Variants in SMIM35 observed in about 807,000 individuals in gnomAD.
SMIM35 encodes TMPRSS4 antisense RNA 1 (non-protein coding).
chr11:118,034,021 A>G (rs953361728), intron 1 of SMIM35, among the ~76,000 whole-genome samples: 1 of 152,204 alleles, frequency 6.6e-6, no homozygotes, highest in African/African-American at 2.4e-5. Context: ...TAATCCCTAC[A>G]CTTTGGGAGG....
At chr11:118,068,415 G>T (rs531625395) in intron 1 of SMIM35, among the ~76,000 whole-genome samples, 1 of 152,118 alleles carries the variant, frequency 6.6e-6, no homozygotes, top group Admixed American at 6.5e-5. Context: ...TCTCCCTCCC[G>T]GCCTGTGAAA....
At chr11:118,038,626 CT>C (rs951954155) in intron 1 of SMIM35, among the ~76,000 whole-genome samples, 1 of 151,578 alleles carries the variant, frequency 6.6e-6, no homozygotes, top group African/African-American at 2.4e-5. Context: ...AGAAAACACT[CT>C]TTGATGTTTC....
intron 1 of SMIM35, among the ~76,000 whole-genome samples, chr11:118,065,020 A>C (rs572347579): frequency 6.6e-6 from 1 of 152,272 alleles, no homozygotes; most frequent in African/African-American, 2.4e-5. Context: ...CCTGCCCTGG[A>C]GTGATCCAGA....
At chr11:118,029,757 C>T (rs1252619454) in intron 1 of SMIM35, 7 of 457,366 alleles carry the variant, frequency 1.5e-5, no homozygotes, top group South Asian at 9.3e-5. Flanking sequence ...ACTGCCAAAG[C>T]CCCCTTTCCC....
At chr11:118,063,389 C>T (rs1378763092) in intron 1 of SMIM35, among the ~76,000 whole-genome samples, 1 of 152,208 alleles carries the variant, frequency 6.6e-6, no homozygotes, top group Non-Finnish European at 1.5e-5. Context: ...TTTACTGTCT[C>T]TCTCGTCTGC....
chr11:118,050,311 G>T (rs1944190509), intron 1 of SMIM35, among the ~76,000 whole-genome samples: 1 of 152,228 alleles, frequency 6.6e-6, no homozygotes, highest in Admixed American at 6.5e-5. Flanking sequence ...TGCCCCACAG[G>T]CCTCCTGGGC....
chr11:118,051,010 A>G (rs1451105850), intron 1 of SMIM35, among the ~76,000 whole-genome samples: 1 of 152,180 alleles, frequency 6.6e-6, no homozygotes, highest in African/African-American at 2.4e-5. Flanking sequence ...TCCTTTAGTA[A>G]AGCAGGAGAG....
intron 1 of SMIM35, among the ~76,000 whole-genome samples, chr11:118,032,634 A>G (rs2058328679): frequency 6.6e-6 from 1 of 152,084 alleles, no homozygotes; most frequent in Non-Finnish European, 1.5e-5. Flanking sequence ...GAGGCTGGGC[A>G]TTGTGGCTCA....
intron 1 of SMIM35, among the ~76,000 whole-genome samples, chr11:118,032,715 T>C (rs1193218693): frequency 2.0e-5 from 3 of 152,164 alleles, no homozygotes; most frequent in Non-Finnish European, 4.4e-5. Flanking sequence ...GAGACCAGCC[T>C]GGTCAACATG....
At chr11:118,037,493 C>T (rs1384251146) in intron 1 of SMIM35, among the ~76,000 whole-genome samples, 5 of 152,172 alleles carry the variant, frequency 3.3e-5, no homozygotes, top group African/African-American at 9.7e-5. Context: ...CCCTGCTCTA[C>T]GTTGTATGCG....
At chr11:118,035,433 C>T (rs993872983) in intron 1 of SMIM35, among the ~76,000 whole-genome samples, 1 of 152,222 alleles carries the variant, frequency 6.6e-6, no homozygotes, top group Non-Finnish European at 1.5e-5. Flanking sequence ...CATAGGAGCG[C>T]TGCCTTCATG....
chr11:118,029,290 C>T (rs1020493624), intron 1 of SMIM35, among the ~76,000 whole-genome samples: 1 of 152,164 alleles, frequency 6.6e-6, no homozygotes, highest in Admixed American at 6.5e-5. Context: ...AACGCCGTCT[C>T]TACAAAAATA....
chr11:118,055,522 T>A (rs1282997832), intron 1 of SMIM35, among the ~76,000 whole-genome samples: 1 of 152,190 alleles, frequency 6.6e-6, no homozygotes, highest in Non-Finnish European at 1.5e-5. Flanking sequence ...CTGAATGTGA[T>A]GTCTTTTGGT....
Position 118,006,392 on chromosome 11 carries a change from A to T in SMIM35, c.*34-16T>A, listed in dbSNP as rs538241295. On this transcript the variant is annotated splice_polypyrimidine_tract_variant and intron_variant, in intron 4 of 4. Transcript: ENST00000689828. Reference sequence around the variant, plus strand: ...GTCTTCTCATCTGTGAAATGGACACAGTAGTCTTCAAGTTGACTTCTTTAA... The same window carrying T: ...GTCTTCTCATCTGTGAAATGGACACTGTAGTCTTCAAGTTGACTTCTTTAA... The T allele has an allele frequency of 9.2e-5, 14 of 152,350 alleles. No individual in the cohort carries two copies. The highest frequency in any genetic ancestry group is 3.1e-4 in the African/African-American group (13 of 41,566). The allele number at this position is 152,350 out of a possible 1,614,324, so 9.4% of individuals were successfully genotyped here.
chr11:118,080,545 G>T (rs768650201), intron 1 of SMIM35, among the ~76,000 whole-genome samples: 2 of 152,108 alleles, frequency 1.3e-5, no homozygotes, highest in African/African-American at 4.8e-5. Flanking sequence ...GGGCTCCTGC[G>T]TGACCCCAGG....
At position 118,084,075 on chromosome 11, in the gene SMIM35, G is replaced by A. The variant is rs1591341563; in HGVS notation, c.7+2676C>T. On this transcript the variant is annotated intron_variant, in intron 1 of 4. Coordinates refer to ENST00000689828, the MANE Select transcript of SMIM35 (RefSeq NM_001394165.1). ...AAAAAACAATTATCGTACTCTTACC[G>A]TGCACCAGGCAATGTACTATATGCT... Among the ~76,000 whole-genome samples, 6 of 152,088 alleles carry A rather than the reference G, an allele frequency of 3.9e-5. No homozygotes were observed. In the South Asian group the frequency reaches 6.2e-4, roughly 16 times the overall value.
intron 4 of SMIM35, among the ~76,000 whole-genome samples, chr11:118,007,694 G>A (rs1359906959): frequency 1.3e-5 from 2 of 149,954 alleles, no homozygotes; most frequent in African/African-American, 4.9e-5. Flanking sequence ...GTGCCCGGCC[G>A]AAGATGTGAC....
chr11:118,014,726 A>G lies in SMIM35; in HGVS notation c.140T>C (p.Phe47Ser), dbSNP rs896297894. The G allele has an allele frequency of 1.5e-5, 6 of 398,920 alleles. No individual in the cohort carries two copies. Among genetic ancestry groups the G allele is most frequent in the Non-Finnish European group, 2.7e-5 (6 of 226,058 alleles). 24.7% of individuals were successfully genotyped at this position (398,920 alleles called of 1,614,324 possible). A position where few individuals can be genotyped will look rare whatever the true frequency, so the allele number is the denominator to read the frequency against. ...GYCWEGPNFV[F>S]NLYQIRNLKD... ...TACTCACCGGATTTGATATAAGTTGAAGACAAAATTAGGCCCTAGGAAGAC... is the reference window on the plus strand; with the variant it reads ...TACTCACCGGATTTGATATAAGTTGGAGACAAAATTAGGCCCTAGGAAGAC... The change falls in exon 3 of 5, where the codon TTC becomes TCC. Residue 47 changes from phenylalanine (F) to serine (S), a missense_variant. By Grantham distance (155) the Phe-to-Ser change is radical (BLOSUM62 -2). Coordinates refer to ENST00000689828, the MANE Select transcript of SMIM35 (RefSeq NM_001394165.1).
intron 1 of SMIM35, among the ~76,000 whole-genome samples, chr11:118,044,104 G>A (rs141195861): frequency 3.3e-4 from 50 of 152,130 alleles, no homozygotes; most frequent in African/African-American, 1.1e-3. Flanking sequence ...GAGAGAAGGA[G>A]TTCCTAAATC....
Sources: allele counts gnomAD v4.1 joint callset (sites outside exome capture counted in the v4.1 genomes callset), GRCh38; gene constraint gnomAD v4.1.1; transcripts MANE v1.5; gene names NCBI Gene and HGNC (gene_info 2026-07-23, HGNC 2026-07-21).